COL11A1: variants seen among roughly 807,000 people sequenced by gnomAD.
COL11A1 encodes the protein collagen type XI alpha 1 chain.
COL11A1 carries 74 observed loss-of-function variants against 265.2 expected under a neutral mutation model. The observed-to-expected ratio is 0.28, with a 90% confidence interval of 0.23 to 0.34. COL11A1 has a LOEUF of 0.34. COL11A1 is among the 10% of genes least tolerant of loss of function. The probability of loss-of-function intolerance (pLI) is 1.00; values close to 1 mark genes in which losing one functional copy is unlikely to be tolerated. For missense variants in COL11A1, 2,165 were observed against 2,263.6 expected, an observed-to-expected ratio of 0.96 and a Z score of 0.88; for synonymous variants, 816 against 727.6, an observed-to-expected ratio of 1.12 and a Z score of -1.96.
rs374572445 is a variant in COL11A1 at position 102,914,333 on chromosome 1, A to G, written c.3978+19T>C. The stretch of plus-strand genomic sequence containing the variant: ...ACATTCACTCCAAAATAATTTCTTG[A>G]TTTTTCCCTGATACTTACTGCAGGG... On this transcript the variant is annotated intron_variant, in intron 52 of 66. Coordinates refer to ENST00000370096, the MANE Select transcript of COL11A1 (RefSeq NM_001854.4). 2 of 1,587,652 alleles carry G rather than the reference A, an allele frequency of 1.3e-6. No homozygotes were observed. Among genetic ancestry groups the G allele is most frequent in the Non-Finnish European group, 1.7e-6 (2 of 1,158,394 alleles).
At chr1:102,878,241 T>C in intron 66 of COL11A1, 76 bp from the exon 67 acceptor site, 2 of 1,350,000 alleles carry the variant, frequency 1.5e-6, no homozygotes, top group Non-Finnish European at 1.0e-6. Context: ...TTCTTGGGCT[T>C]CTGAGTGGAG....
At chr1:103,066,799 C>A (rs567810945) in intron 4 of COL11A1, among the ~76,000 whole-genome samples, 3 of 151,982 alleles carry the variant, frequency 2.0e-5, no homozygotes, top group South Asian at 2.1e-4. Context: ...AACAGGCACA[C>A]TTTAACTATG....
At chr1:102,989,296 T>C (rs1046673124) in intron 29 of COL11A1, among the ~76,000 whole-genome samples, 3 of 151,906 alleles carry the variant, frequency 2.0e-5, no homozygotes, top group African/African-American at 7.2e-5. Context: ...ATGTTTATTA[T>C]GGAACCTATG....
chr1:103,076,751 C>G (rs752700417), intron 3 of COL11A1, among the ~76,000 whole-genome samples: 6 of 152,088 alleles, frequency 3.9e-5, no homozygotes, highest in Non-Finnish European at 5.9e-5. Context: ...TATTTTCGTT[C>G]AAAGAACTAT....
intron 41 of COL11A1, among the ~76,000 whole-genome samples, chr1:102,960,498 A>C (rs537513918): frequency 3.3e-4 from 50 of 150,892 alleles, no homozygotes; most frequent in East Asian, 1.2e-3. Flanking sequence ...GGGGGGGGGA[A>C]TTTTTACAAA....
At chr1:102,976,283 C>T (rs1192646434) in intron 35 of COL11A1, among the ~76,000 whole-genome samples, 2 of 97,266 alleles carry the variant, frequency 2.1e-5, no homozygotes, top group African/African-American at 3.1e-5. Context: ...TCACAGAAAA[C>T]GTTGGCTTTT....
intron 62 of COL11A1, among the ~76,000 whole-genome samples, chr1:102,887,440 G>T (rs753873846): frequency 2.0e-5 from 3 of 151,952 alleles, no homozygotes; most frequent in African/African-American, 7.3e-5. Context: ...AAGCTATTGC[G>T]CTATCTAATC....
chr1:102,885,648 A>AG (rs1229198867), intron 63 of COL11A1, among the ~76,000 whole-genome samples: 10 of 152,184 alleles, frequency 6.6e-5, no homozygotes, highest in Non-Finnish European at 1.3e-4. Flanking sequence ...AATAAAAAAA[A>AG]TCATCTAAGA....
At chr1:103,025,046 T>C (rs913260024) in intron 7 of COL11A1, among the ~76,000 whole-genome samples, 2 of 152,168 alleles carry the variant, frequency 1.3e-5, no homozygotes, top group African/African-American at 4.8e-5. Context: ...AGTTTGAAAA[T>C]GTAAATAGTT....
intron 46 of COL11A1, among the ~76,000 whole-genome samples, chr1:102,932,069 A>G (rs1427411996): frequency 1.2e-4 from 18 of 150,110 alleles, no homozygotes; most frequent in African/African-American, 4.4e-4. Context: ...GTGTCTTTTA[A>G]TTGGAGCATT....
At position 103,003,083 on chromosome 1, in the gene COL11A1, G is replaced by A. The variant is rs150437669; in HGVS notation, c.1998+132C>T. ...GAGGGAATGATGAGTTAAAGTGAAA[G>A]GCAGCAACAATAGATCTTCAAACAT... On this transcript the variant is annotated intron_variant, in intron 21 of 66. Coordinates refer to ENST00000370096, the MANE Select transcript of COL11A1 (RefSeq NM_001854.4). The A allele has an allele frequency of 4.1e-5, 37 of 912,536 alleles. No individual in the cohort carries two copies. The African/African-American group carries it at 5.8e-4, about 14-fold the overall frequency. 56.5% of individuals were successfully genotyped at this position (912,536 alleles called of 1,614,324 possible).
intron 47 of COL11A1, among the ~76,000 whole-genome samples, chr1:102,922,272 T>C (rs1258746660): frequency 6.6e-6 from 1 of 152,222 alleles, no homozygotes; most frequent in Non-Finnish European, 1.5e-5. Context: ...TTTTCTGTTA[T>C]TATCTACTAC....
chr1:103,034,362 T>C (rs1668203224), intron 4 of COL11A1, among the ~76,000 whole-genome samples: 1 of 151,308 alleles, frequency 6.6e-6, no homozygotes, highest in African/African-American at 2.4e-5. Flanking sequence ...ACTGAGGCTG[T>C]CAACTTTTTT....
chr1:103,014,697 T>G (rs983436586), intron 12 of COL11A1, 103 bp from the exon 13 acceptor site: 1 of 917,584 alleles, frequency 1.1e-6, no homozygotes, highest in Non-Finnish European at 1.8e-6. Flanking sequence ...AATGGTGGGA[T>G]TTTACAAAAT....
intron 35 of COL11A1, among the ~76,000 whole-genome samples, 162 bp from the exon 36 acceptor site, chr1:102,975,045 A>G (rs1439449504): frequency 6.6e-6 from 1 of 152,228 alleles, no homozygotes; most frequent in Admixed American, 6.5e-5. Flanking sequence ...GTGCTAATCT[A>G]AAAGTAAAAT....
chr1:102,913,547 GT>G (rs1268914987), intron 53 of COL11A1, 89 bp downstream of exon 53: 6 of 1,282,932 alleles, frequency 4.7e-6, no homozygotes, highest in Non-Finnish European at 6.8e-6. Context: ...ATAGAGCTAT[GT>G]TTTTCAAAGG....
chr1:103,031,337 A>C, intron 4 of COL11A1, 93 bp from the exon 5 acceptor site: 3 of 1,448,482 alleles, frequency 2.1e-6, no homozygotes, highest in Non-Finnish European at 2.8e-6. Context: ...GTTTATTTTT[A>C]AATATTTGAA....
Position 102,912,196 on chromosome 1 carries a change from G to C in COL11A1, c.4049C>G (p.Ser1350Cys). ...AGGACCTGGTGGGCCAGCCTCACCA[G>C]ATGGGCCAGGAGGACCCTATAAAAT... ...DPGQPGPPGPSGEAGPPGPPG... is the reference protein window; with the variant it reads ...DPGQPGPPGPCGEAGPPGPPG... Residue 1350 changes from serine to cysteine, a missense_variant, in exon 54 of 67, where the codon TCT becomes TGT. Transcript: ENST00000370096. 6.2e-7 allele frequency: 1 copy of C among 1,611,360 alleles called. No individual in the cohort carries two copies. The highest frequency in any genetic ancestry group is 1.1e-5 in the South Asian group (1 of 90,550).
At chr1:103,013,988 A>C (rs114545579) in intron 13 of COL11A1, among the ~76,000 whole-genome samples, 1,703 of 152,202 alleles carry the variant, frequency 0.011, 30 homozygotes, top group African/African-American at 0.038. Context: ...TTGAAATTTT[A>C]AAAATACTAC....
Sources: allele counts gnomAD v4.1 joint callset (sites outside exome capture counted in the v4.1 genomes callset), GRCh38; gene constraint gnomAD v4.1.1; transcripts MANE v1.5; gene names NCBI Gene and HGNC (gene_info 2026-07-23, HGNC 2026-07-21).